NCKAP5: variants seen among roughly 807,000 people sequenced by gnomAD.
NCKAP5 encodes nck-associated protein 5.
A neutral mutation model predicts 167.0 loss-of-function variants in NCKAP5; 92 were observed. The observed-to-expected ratio is 0.55, with a 90% CI of 0.47 to 0.66. NCKAP5 has a LOEUF of 0.66. Ranked by LOEUF, NCKAP5 falls within the 30% of genes least tolerant of loss-of-function variation. The probability of loss-of-function intolerance (pLI) is 0.00; values close to 1 mark genes in which losing one functional copy is unlikely to be tolerated. For missense variants in NCKAP5, 2,378 were observed against 2,315.0 expected, an observed-to-expected ratio of 1.03 and a Z score of -0.56; for synonymous variants, 891 against 877.4, an observed-to-expected ratio of 1.02 and a Z score of -0.27.
intron 6 of NCKAP5, among the ~76,000 whole-genome samples, chr2:133,124,456 A>T (rs151092204): frequency 2.0e-4 from 30 of 152,306 alleles, no homozygotes; most frequent in Middle Eastern, 3.4e-3. Flanking sequence ...ATCTTCAAAC[A>T]CGCTGCAGCA....
rs1489817589 is a variant in NCKAP5 at position 133,115,802 on chromosome 2, T to C, written c.341+14176A>G. Among the ~76,000 whole-genome samples, 93 of 103,410 alleles carry C rather than the reference T, an allele frequency of 9.0e-4. 2 individuals carry two copies. The highest frequency in any genetic ancestry group is 4.0e-3 in the African/African-American group (87 of 21,928). The allele number at this position is 103,410 out of a possible 152,430, so 67.8% of individuals were successfully genotyped here. On this transcript the variant is annotated intron_variant, in intron 6 of 19. Coordinates refer to ENST00000409261, the MANE Select transcript of NCKAP5 (RefSeq NM_207363.3). ...ATATATATATATATATATATATATA[T>C]ATATATATATATATAGTGTTCACAC...
intron 3 of NCKAP5, among the ~76,000 whole-genome samples, chr2:133,436,504 A>T (rs1690489280): frequency 6.6e-6 from 1 of 152,150 alleles, no homozygotes; most frequent in Non-Finnish European, 1.5e-5. Context: ...GACGGACCAC[A>T]ATCTAGAAAA....
chr2:132,957,783 C>A (rs189729258), intron 8 of NCKAP5, among the ~76,000 whole-genome samples: 82 of 152,164 alleles, frequency 5.4e-4, no homozygotes, highest in African/African-American at 1.8e-3. Context: ...GTCATAAGAC[C>A]CCTATTCTAG....
chr2:133,293,382 T>G (rs886485834), intron 4 of NCKAP5, among the ~76,000 whole-genome samples: 4 of 152,196 alleles, frequency 2.6e-5, no homozygotes, highest in Non-Finnish European at 5.9e-5. Flanking sequence ...ATTAGACACA[T>G]GCATATCACA....
chr2:133,457,703 C>T (rs1185695430), intron 3 of NCKAP5, among the ~76,000 whole-genome samples: 2 of 152,066 alleles, frequency 1.3e-5, no homozygotes, highest in African/African-American at 2.4e-5. Flanking sequence ...AAATAGCATT[C>T]GTTTGTGTAA....
chr2:133,503,283 G>A (rs560104496), intron 3 of NCKAP5, among the ~76,000 whole-genome samples: 13 of 152,312 alleles, frequency 8.5e-5, no homozygotes, highest in African/African-American at 3.1e-4. Flanking sequence ...ACGAGTCAAA[G>A]CTCCTGTTCC....
intron 4 of NCKAP5, among the ~76,000 whole-genome samples, chr2:133,257,367 G>T (rs2088668112): frequency 6.6e-6 from 1 of 152,160 alleles, no homozygotes; most frequent in South Asian, 2.1e-4. Context: ...GCTCCCAAAT[G>T]CAGGAACAGA....
At chr2:133,470,948 G>A (rs1435070838) in intron 3 of NCKAP5, among the ~76,000 whole-genome samples, 1 of 152,232 alleles carries the variant, frequency 6.6e-6, no homozygotes, top group Non-Finnish European at 1.5e-5. Flanking sequence ...TACGTCAGAT[G>A]GAAATGCAGA....
intron 8 of NCKAP5, among the ~76,000 whole-genome samples, chr2:132,932,556 T>A (rs1179427296): frequency 6.6e-6 from 1 of 152,132 alleles, no homozygotes; most frequent in African/African-American, 2.4e-5. Context: ...ACTCACCAGA[T>A]GGGTTAAGGC....
chr2:133,279,573 C>T (rs2089864703), intron 4 of NCKAP5, among the ~76,000 whole-genome samples: 1 of 152,114 alleles, frequency 6.6e-6, no homozygotes, highest in African/African-American at 2.4e-5. Context: ...TGTTTTATCA[C>T]AGCCAGTCTT....
At chr2:133,551,441 A>G (rs1366405526) in intron 2 of NCKAP5, among the ~76,000 whole-genome samples, 3 of 92,170 alleles carry the variant, frequency 3.3e-5, no homozygotes, top group Non-Finnish European at 6.5e-5. Flanking sequence ...ATAACGCCGC[A>G]TATCTACAAC....
intron 19 of NCKAP5, among the ~76,000 whole-genome samples, chr2:132,714,679 T>C (rs6711735): frequency 0.27 from 40,696 of 151,668 alleles, 8,945 homozygotes; most frequent in African/African-American, 0.57. Flanking sequence ...TAGCCGGGCA[T>C]GGTGGCGCAT....
Position 132,819,785 on chromosome 2 carries a change from C to T in NCKAP5, c.808-23056G>A, listed in dbSNP as rs778198493. Among the ~76,000 whole-genome samples, 48 of 152,218 alleles carry T rather than the reference C, an allele frequency of 3.2e-4. No individual in the cohort carries two copies. In the Middle Eastern group the frequency reaches 0.017, roughly 54 times the overall value. On this transcript the variant is annotated intron_variant, in intron 11 of 19. Coordinates refer to ENST00000409261, the MANE Select transcript of NCKAP5 (RefSeq NM_207363.3). ...ATAAAGATAATTTTCTGCCACCCTACTTCAATTTGGATGTTCAAGGTCCAG... is the reference window on the plus strand; with the variant it reads ...ATAAAGATAATTTTCTGCCACCCTATTTCAATTTGGATGTTCAAGGTCCAG...
At chr2:133,073,809 G>C (rs2149565175) in intron 6 of NCKAP5, among the ~76,000 whole-genome samples, 1 of 152,180 alleles carries the variant, frequency 6.6e-6, no homozygotes, top group Middle Eastern at 3.4e-3. Context: ...AAAACCAGAA[G>C]GGAAAAAAGC....
At chr2:132,713,921 T>A (rs1689107908) in intron 19 of NCKAP5, among the ~76,000 whole-genome samples, 2 of 152,324 alleles carry the variant, frequency 1.3e-5, no homozygotes, top group South Asian at 4.1e-4. Flanking sequence ...ATTAAATTCC[T>A]TAAAGAGTGT....
In NCKAP5 at chr2:133,350,900, C is replaced by A. The variant is rs192733800; in HGVS notation, c.70-47790G>T. On this transcript the variant is annotated intron_variant, in intron 3 of 19. Transcript: ENST00000409261. The stretch of plus-strand genomic sequence containing the variant: ...TCACACCCTCTCCCTCTCTCTCCTT[C>A]CCCCTTCACCTGTCAGCTCCTACTT... Among the ~76,000 whole-genome samples, 9 of 152,086 alleles carry A rather than the reference C, an allele frequency of 5.9e-5. No homozygotes were observed. In the East Asian group the frequency reaches 1.7e-3, roughly 29 times the overall value.
chr2:133,419,038 A>G (rs1367024747), intron 3 of NCKAP5, among the ~76,000 whole-genome samples: 1 of 152,186 alleles, frequency 6.6e-6, no homozygotes, highest in Non-Finnish European at 1.5e-5. Flanking sequence ...ACTACAAGAC[A>G]TGTAAAGGAG....
At chr2:132,909,670 C>T (rs1244496493) in intron 8 of NCKAP5, among the ~76,000 whole-genome samples, 3 of 152,166 alleles carry the variant, frequency 2.0e-5, no homozygotes, top group Admixed American at 6.5e-5. Flanking sequence ...ATTGATTCAT[C>T]CATTGGGATA....
intron 5 of NCKAP5, among the ~76,000 whole-genome samples, chr2:133,133,526 T>G (rs2082683145): frequency 1.3e-5 from 2 of 152,240 alleles, no homozygotes; most frequent in South Asian, 4.1e-4. Context: ...ACATACATGT[T>G]CAACAAAACT....
Sources: allele counts gnomAD v4.1 joint callset (sites outside exome capture counted in the v4.1 genomes callset), GRCh38; gene constraint gnomAD v4.1.1; transcripts MANE v1.5; gene names NCBI Gene and HGNC (gene_info 2026-07-23, HGNC 2026-07-21).